ARFGEF1: variants seen among roughly 807,000 people sequenced by gnomAD.
ARFGEF1 encodes ARF guanine nucleotide exchange factor 1, also known as brefeldin A-inhibited guanine nucleotide-exchange protein 1.
Under a neutral mutation model 231.0 loss-of-function variants are expected in ARFGEF1, and 42 were observed. The ratio of observed to expected loss-of-function variants is 0.18; its 90% CI spans 0.14 to 0.24. The LOEUF is 0.24. ARFGEF1 is among the 10% of genes least tolerant of loss of function. ARFGEF1 has a pLI of 1.00. For synonymous variants in ARFGEF1, 710 were observed against 732.3 expected, an observed-to-expected ratio of 0.97 and a Z score of 0.49; for missense variants, 1,345 against 2,192.0, an observed-to-expected ratio of 0.61 and a Z score of 7.72.
At chr8:67,224,064 TG>T (rs71553296) in intron 29 of ARFGEF1, among the ~76,000 whole-genome samples, 2 of 152,066 alleles carry the variant, frequency 1.3e-5, no homozygotes, top group Non-Finnish European at 2.9e-5. Context: ...TGGTGGGGGA[TG>T]GGGGTGGTTC....
chr8:67,273,272 G>C lies in ARFGEF1; in HGVS notation c.1338-1336C>G, dbSNP rs117926165. On this transcript the variant is annotated intron_variant, in intron 9 of 38. Transcript: ENST00000262215. ...GGCATGCTTCTGATCACTATCTAGT[G>C]TTTTAATTATTTGATTTTGCAAACA... 2.6e-5 allele frequency among the ~76,000 whole-genome samples: 4 copies of C among 151,754 alleles called. No individual in the cohort carries two copies. In the East Asian group the frequency reaches 7.7e-4, roughly 29 times the overall value.
At chr8:67,343,100 C>T (rs916103925) in intron 1 of ARFGEF1, 64 bp downstream of exon 1, 8 of 565,422 alleles carry the variant, frequency 1.4e-5, no homozygotes, top group African/African-American at 1.9e-5. Context: ...CCCACCCCCC[C>T]ACAGGCGCCC....
At chr8:67,183,355 AG>A (rs918279846) in intron 5 of ARFGEF1, among the ~76,000 whole-genome samples, 1 of 152,232 alleles carries the variant, frequency 6.6e-6, no homozygotes, top group Non-Finnish European at 1.5e-5. Context: ...TATTCTTCTC[AG>A]GGTCACATGG....
intron 29 of ARFGEF1, among the ~76,000 whole-genome samples, chr8:67,222,419 C>T (rs1390742101): frequency 6.6e-6 from 1 of 151,322 alleles, no homozygotes; most frequent in African/African-American, 2.4e-5. Flanking sequence ...GTGTGCACCA[C>T]CACACCCGGC....
chr8:67,297,402 A>C (rs1806283451), intron 4 of ARFGEF1, among the ~76,000 whole-genome samples: 1 of 152,186 alleles, frequency 6.6e-6, no homozygotes, highest in Non-Finnish European at 1.5e-5. Flanking sequence ...TAAATGTTTT[A>C]GAATAAAGCA....
intron 3 of ARFGEF1, 34 bp from the exon 4 acceptor site, chr8:67,299,389 A>G (rs1414050637): frequency 6.3e-7 from 1 of 1,579,044 alleles, no homozygotes; most frequent in Non-Finnish European, 8.6e-7. Flanking sequence ...GATCCTAAGT[A>G]AGGTAACAAA....
At chr8:67,295,998 A>G (rs1806216072) in intron 5 of ARFGEF1, among the ~76,000 whole-genome samples, 1 of 152,184 alleles carries the variant, frequency 6.6e-6, no homozygotes, top group Admixed American at 6.5e-5. Context: ...AGTTCAAAGT[A>G]TAAGGAATAT....
intron 5 of ARFGEF1, among the ~76,000 whole-genome samples, chr8:67,293,910 C>T (rs1363172698): frequency 6.6e-6 from 1 of 152,074 alleles, no homozygotes; most frequent in East Asian, 1.9e-4. Context: ...ACTCTTAAAT[C>T]GCAGTAATGT....
chr8:67,219,900 T>C (rs1444003950), intron 29 of ARFGEF1, among the ~76,000 whole-genome samples: 1 of 152,202 alleles, frequency 6.6e-6, no homozygotes, highest in African/African-American at 2.4e-5. Context: ...TGTGGCACTG[T>C]AGCCAAAAAA....
chr8:67,259,524 G>C (rs1052391347), intron 15 of ARFGEF1, among the ~76,000 whole-genome samples: 3 of 152,130 alleles, frequency 2.0e-5, no homozygotes, highest in Non-Finnish European at 4.4e-5. Flanking sequence ...CACTGTGCCC[G>C]GCCAACCAAG....
chr8:67,302,259 A>T (rs1806526519), intron 2 of ARFGEF1, among the ~76,000 whole-genome samples, 177 bp downstream of exon 2: 1 of 152,046 alleles, frequency 6.6e-6, no homozygotes, highest in Non-Finnish European at 1.5e-5. Context: ...AAGAAATATA[A>T]TTGTATTTAT....
intron 21 of ARFGEF1, 116 bp downstream of exon 21, chr8:67,238,619 C>T (rs979512544): frequency 1.5e-4 from 219 of 1,432,156 alleles, no homozygotes; most frequent in Non-Finnish European, 2.0e-4. Flanking sequence ...GCTAAACGTA[C>T]TTATTCGAAA....
At chr8:67,180,989 T>C (rs547145755) in intron 5 of ARFGEF1, among the ~76,000 whole-genome samples, 1 of 152,220 alleles carries the variant, frequency 6.6e-6, no homozygotes, top group East Asian at 1.9e-4. Context: ...TAGATTTTCA[T>C]GTGATAAAAT....
Position 67,216,653 on chromosome 8 carries a change from G to A in ARFGEF1, c.4623C>T (p.Thr1541=). The A allele has an allele frequency of 6.2e-7, 1 of 1,607,708 alleles. No individual in the cohort carries two copies. The highest frequency in any genetic ancestry group is 8.5e-7 in the Non-Finnish European group (1 of 1,178,306). ...FKTTIPHALL[T]WRPNSGETAP... is the part of the protein sequence containing the mutation. ...CAGTTTCTCCAGAATTGGGTCGCCA[G>A]GTCAACAGCCTTTAAGATACCAAAA... Residue 1541 remains threonine, a synonymous_variant, in exon 33 of 39, where the codon ACC becomes ACT. Transcript: ENST00000262215.
chr8:67,262,078 T>C (rs963372349), intron 14 of ARFGEF1, among the ~76,000 whole-genome samples: 4 of 152,140 alleles, frequency 2.6e-5, no homozygotes, highest in African/African-American at 7.2e-5. Context: ...ATAGTTGCCA[T>C]GTAGAGAGAT....
exon 6 of ARFGEF1, chr8:67,175,517 C>A (rs1563757373): frequency 2.7e-6 from 4 of 1,507,156 alleles, no homozygotes; most frequent in Non-Finnish European, 3.7e-6. Context: ...CTATTGATTT[C>A]ATTCCCAGGC....
At chr8:67,225,108 A>G in intron 28 of ARFGEF1, 75 bp from the exon 29 acceptor site, 2 of 1,282,258 alleles carry the variant, frequency 1.6e-6, no homozygotes, top group East Asian at 2.6e-5. Flanking sequence ...TTCTCAAAAA[A>G]TAATTTAAAT....
intron 34 of ARFGEF1, among the ~76,000 whole-genome samples, chr8:67,208,329 T>C (rs529557177): frequency 6.6e-6 from 1 of 152,062 alleles, no homozygotes; most frequent in Admixed American, 6.5e-5. Flanking sequence ...ATCAAAGAGC[T>C]AGAAGAATAA....
chr8:67,301,392 A>G lies in ARFGEF1; in HGVS notation c.156-12T>C, dbSNP rs1176604117. On this transcript the variant is annotated splice_polypyrimidine_tract_variant and intron_variant, in intron 2 of 38. Transcript: ENST00000262215. ...CTCCATGAGGAGGACTAAATGAGAA[A>G]GAAAAGTCTGATTATAGCGTATCAC... is the stretch of plus-strand genomic sequence containing the variant. 4 of 1,603,888 alleles carry G rather than the reference A, an allele frequency of 2.5e-6. No individual in the cohort carries two copies. The highest frequency in any genetic ancestry group is 8.5e-7 in the Non-Finnish European group (1 of 1,177,010).
Sources: allele counts gnomAD v4.1 joint callset (sites outside exome capture counted in the v4.1 genomes callset), GRCh38; gene constraint gnomAD v4.1.1; transcripts MANE v1.5; gene names NCBI Gene and HGNC (gene_info 2026-07-23, HGNC 2026-07-21).